ILDR2: variants seen among roughly 807,000 people sequenced by gnomAD.
ILDR2 encodes the protein immunoglobulin-like domain-containing receptor 2.
In ILDR2, 25 loss-of-function variants were observed where a neutral mutation model predicts 66.8. The ratio of observed to expected loss-of-function variants is 0.37; its 90% confidence interval spans 0.27 to 0.52. ILDR2 has a LOEUF of 0.52. Ranked by LOEUF, ILDR2 falls within the 20% of genes least tolerant of loss-of-function variation. The pLI, the probability that ILDR2 is intolerant of heterozygous loss-of-function variation, is 0.88. For missense variants in ILDR2, 827 were observed against 876.8 expected (o/e 0.94, Z 0.72); for synonymous variants, 367 against 357.2 (o/e 1.03, Z -0.31).
rs746822111 is a variant in ILDR2, at chr1:166,914,970, G to A, written c.*4385C>T. 5 of 152,180 alleles carry A rather than the reference G, an allele frequency of 3.3e-5. No individual in the cohort carries two copies. Among genetic ancestry groups the A allele is most frequent in the African/African-American group, 7.2e-5 (3 of 41,438 alleles). The allele number at this position is 152,180 out of a possible 1,614,324, so 9.4% of individuals were successfully genotyped here. ...AGTGCTATTGGCCAGTCATCCTTAT[G>A]ATTTGTATGCTTTATAAAATGATTG... On this transcript the variant is annotated 3_prime_UTR_variant, in exon 10 of 10. Transcript: ENST00000271417.
At position 166,917,719 on chromosome 1, in the gene ILDR2, G is replaced by T. The variant is rs1291174069; in HGVS notation, c.*1636C>A. The T allele has an allele frequency of 1.3e-5, 2 of 152,206 alleles. No homozygotes were observed. Among genetic ancestry groups the T allele is most frequent in the African/African-American group, 4.8e-5 (2 of 41,458 alleles). The allele number at this position is 152,206 out of a possible 1,614,324, so 9.4% of individuals were successfully genotyped here. A position where few individuals can be genotyped will look rare whatever the true frequency, so the allele number is the denominator to read the frequency against. ...CATAAAGAATGCACCAACTTCTCAC[G>T]CCTCGAGTAGGAATCAGAAATTTGG... On this transcript the variant is annotated 3_prime_UTR_variant, in exon 10 of 10. Transcript: ENST00000271417.
At chr1:166,920,075 A>G (rs1349988024) in intron 9 of ILDR2, among the ~76,000 whole-genome samples, 1 of 152,202 alleles carries the variant, frequency 6.6e-6, no homozygotes, top group Non-Finnish European at 1.5e-5. Flanking sequence ...AAAATAATGA[A>G]GTCTATATAA....
intron 6 of ILDR2, among the ~76,000 whole-genome samples, chr1:166,934,292 T>G (rs955049288): frequency 6.6e-6 from 1 of 152,200 alleles, no homozygotes; most frequent in African/African-American, 2.4e-5. Context: ...TCCTTACCAC[T>G]TATTTCAATT....
At chr1:166,963,111 G>T (rs1571202638) in intron 1 of ILDR2, among the ~76,000 whole-genome samples, 1 of 152,074 alleles carries the variant, frequency 6.6e-6, no homozygotes, top group African/African-American at 2.4e-5. Context: ...GCCCTAGATA[G>T]AAATCTTAGT....
At chr1:166,953,616 G>T (rs1003235730) in intron 3 of ILDR2, among the ~76,000 whole-genome samples, 3 of 152,104 alleles carry the variant, frequency 2.0e-5, no homozygotes, top group Non-Finnish European at 4.4e-5. Flanking sequence ...TACTGCAAAA[G>T]ACCACAGTTT....
Position 166,911,856 on chromosome 1 carries a change from G to C in ILDR2, c.*7499C>G, listed in dbSNP as rs1004451835. The stretch of plus-strand genomic sequence containing the variant: ...CTGAATAGGGAATAGAAAACACAGA[G>C]AGAGGAAATACAAAATATAGATTAA... On this transcript the variant is annotated 3_prime_UTR_variant, in exon 10 of 10. Coordinates refer to ENST00000271417, the MANE Select transcript of ILDR2 (RefSeq NM_199351.3). The C allele has an allele frequency of 3.3e-5, 5 of 151,914 alleles. No homozygotes were observed. Among genetic ancestry groups the C allele is most frequent in the African/African-American group, 1.2e-4 (5 of 41,382 alleles). 9.4% of individuals were successfully genotyped at this position (151,914 alleles called of 1,614,324 possible).
intron 3 of ILDR2, among the ~76,000 whole-genome samples, chr1:166,944,201 T>G (rs1228810629): frequency 1.3e-5 from 2 of 152,258 alleles, no homozygotes; most frequent in African/African-American, 4.8e-5. Context: ...TCAGTTGTTT[T>G]CTGCCACTGC....
At chr1:166,956,309 CA>C in intron 3 of ILDR2, among the ~76,000 whole-genome samples, 1 of 152,178 alleles carries the variant, frequency 6.6e-6, no homozygotes, top group Middle Eastern at 3.4e-3. Context: ...GGAGATAATC[CA>C]GTGGGAAAAG....
intron 6 of ILDR2, chr1:166,933,535 G>A (rs933596061): frequency 9.2e-6 from 9 of 982,254 alleles, no homozygotes; most frequent in Admixed American, 1.2e-4. Flanking sequence ...AGTTACAATT[G>A]GTTAGTATGG....
rs1172170824 is a variant in ILDR2 at position 166,914,267 on chromosome 1, T to C, written c.*5088A>G. 1.3e-5 allele frequency: 2 copies of C among 152,184 alleles called. No individual in the cohort carries two copies. Among genetic ancestry groups the C allele is most frequent in the African/African-American group, 2.4e-5 (1 of 41,432 alleles). 9.4% of individuals were successfully genotyped at this position (152,184 alleles called of 1,614,324 possible). A position where few individuals can be genotyped will look rare whatever the true frequency, so the allele number is the denominator to read the frequency against. The stretch of plus-strand genomic sequence containing the variant: ...TCATGGCTTCGCCACATCCATGACA[T>C]ATGAACAAGCATCAAGTCTACGGCT... On this transcript the variant is annotated 3_prime_UTR_variant, in exon 10 of 10. Transcript: ENST00000271417.
Position 166,921,511 on chromosome 1 carries a change from G to C in ILDR2, c.1212-132C>G. On this transcript the variant is annotated intron_variant, in intron 8 of 9. Coordinates refer to ENST00000271417, the MANE Select transcript of ILDR2 (RefSeq NM_199351.3). The surrounding 1 kb of genome is among the most constrained non-coding windows in gnomAD (Gnocchi z 5.3). Reference sequence around the variant, plus strand: ...GGCCTGAGCCTCAGCTCCGCTCCAGGCTGGATGAAGCATTCCAGGCTCCTC... The same window carrying C: ...GGCCTGAGCCTCAGCTCCGCTCCAGCCTGGATGAAGCATTCCAGGCTCCTC... 7.1e-6 allele frequency: 5 copies of C among 706,722 alleles called. No individual in the cohort carries two copies. The highest frequency in any genetic ancestry group is 1.1e-5 in the Non-Finnish European group (5 of 440,782). The allele number at this position is 706,722 out of a possible 1,614,324, so 43.8% of individuals were successfully genotyped here.
chr1:166,920,895 A>T lies in ILDR2; in HGVS notation c.1696T>A (p.Tyr566Asn). 1 of 1,484,326 alleles carries T rather than the reference A, an allele frequency of 6.7e-7. No individual in the cohort carries two copies. The highest frequency in any genetic ancestry group is 8.9e-7 in the Non-Finnish European group (1 of 1,122,648). The allele number at this position is 1,484,326 out of a possible 1,614,324, so 91.9% of individuals were successfully genotyped here. ...AQLGPRSASYYAWSPPGTYKA... is the reference protein window; with the variant it reads ...AQLGPRSASYNAWSPPGTYKA... ...TAGGTGCCGGGCGGCGACCAAGCGT[A>T]GTAGGAGGCGCTGCGCGGGCCGAGC... The change falls in exon 9 of 10, where the codon TAC becomes AAC. Residue 566 changes from tyrosine to asparagine, a missense_variant. Physicochemically the swap from Tyr to Asn is moderately radical, Grantham distance 143 (BLOSUM62 -2). Transcript: ENST00000271417.
At position 166,936,559 on chromosome 1, in the gene ILDR2, C is replaced by T. The variant is rs371621940; in HGVS notation, c.703+32G>A. On this transcript the variant is annotated intron_variant, in intron 5 of 9. Transcript: ENST00000271417. The surrounding 1 kb of genome is among the most constrained non-coding windows in gnomAD (Gnocchi z 5.0). ...TAGAGAGGTAGACATTTCTCTCGAT[C>T]GCTCTGTCTCCCCAGCGGTCACTGT... 1.7e-5 allele frequency: 28 copies of T among 1,613,724 alleles called. No homozygotes were observed. Among genetic ancestry groups the T allele is most frequent in the African/African-American group, 2.7e-5 (2 of 74,890 alleles).
rs748223206 is a variant in ILDR2 at position 166,936,610 on chromosome 1, G to A, written c.684C>T (p.Ser228=). 1 of 1,614,154 alleles carries A rather than the reference G, an allele frequency of 6.2e-7. No homozygotes were observed. The highest frequency in any genetic ancestry group is 1.7e-5 in the Admixed American group (1 of 60,024). The change falls in exon 5 of 10, where the codon TCC becomes TCT. Residue 228 remains serine (S), a synonymous_variant. Transcript: ENST00000271417. This position sits in a 1 kb window ranked among gnomAD's most constrained non-coding sequence, Gnocchi z 5.0. ...ACTCACAGGCTTGAGGGCAGCAGCA[G>A]GAATCTGGGCAGCATGGGCAGCGGA... is the stretch of plus-strand genomic sequence containing the variant. ...CYVRCPCCPD[S]CCCPQALYEA...
chr1:166,973,770 CG>C (rs1663450768), intron 1 of ILDR2, among the ~76,000 whole-genome samples: 3 of 151,962 alleles, frequency 2.0e-5, no homozygotes, highest in Admixed American at 2.0e-4. Flanking sequence ...GCCAGGGGAG[CG>C]GGGTGGCATG....
In ILDR2 at chr1:166,921,999, A is replaced by G. The variant is rs566354386; in HGVS notation, c.1211+594T>C. ...ACATCACCTGGGTAAGTGCCTTAGC[A>G]CCTAGAAGTTTCCATTTTCCCAGCT... On this transcript the variant is annotated intron_variant, in intron 8 of 9. Coordinates refer to ENST00000271417, the MANE Select transcript of ILDR2 (RefSeq NM_199351.3). The surrounding 1 kb of genome is among the most constrained non-coding windows in gnomAD (Gnocchi z 5.3). 4.6e-5 allele frequency among the ~76,000 whole-genome samples: 7 copies of G among 152,326 alleles called. No homozygotes were observed. Among genetic ancestry groups the G allele is most frequent in the African/African-American group, 1.7e-4 (7 of 41,558 alleles).
chr1:166,943,327 C>T (rs1436139006), intron 3 of ILDR2, among the ~76,000 whole-genome samples: 5 of 151,838 alleles, frequency 3.3e-5, no homozygotes, highest in African/African-American at 1.2e-4. Flanking sequence ...CCCGTCTCTA[C>T]TAAAAATACA....
At chr1:166,942,609 G>C (rs1661372909) in intron 3 of ILDR2, among the ~76,000 whole-genome samples, 1 of 152,226 alleles carries the variant, frequency 6.6e-6, no homozygotes, top group African/African-American at 2.4e-5. Context: ...TGCAACCTCT[G>C]AAGGGTATAC....
Position 166,921,026 on chromosome 1 carries a change from G to C in ILDR2, c.1565C>G (p.Pro522Arg). ...RLVSRTPGTA[P>R]KYDHSYLGSA... is the part of the protein sequence containing the mutation. ...GCCCAGGTACGAGTGGTCGTATTTGGGTGCGGTGCCTGGCGTGCGGCTCAC... is the reference window on the plus strand; with the variant it reads ...GCCCAGGTACGAGTGGTCGTATTTGCGTGCGGTGCCTGGCGTGCGGCTCAC... Residue 522 changes from proline to arginine, a missense_variant, in exon 9 of 10, where the codon CCC becomes CGC. This residue lies in a region of ILDR2 where 390 missense variants were observed against 353.6 expected (regional missense o/e 1.10). Coordinates refer to ENST00000271417, the MANE Select transcript of ILDR2 (RefSeq NM_199351.3). The surrounding 1 kb of genome is among the most constrained non-coding windows in gnomAD (Gnocchi z 5.3). 6.6e-7 allele frequency: 1 copy of C among 1,515,012 alleles called. No homozygotes were observed. Among genetic ancestry groups the C allele is most frequent in the Non-Finnish European group, 8.7e-7 (1 of 1,142,886 alleles). The allele number at this position is 1,515,012 out of a possible 1,614,324, so 93.8% of individuals were successfully genotyped here. A position where few individuals can be genotyped will look rare whatever the true frequency, so the allele number is the denominator to read the frequency against.
Sources: gnomAD v4.1 joint callset for allele counts (sites outside exome capture counted in the v4.1 genomes callset) on GRCh38, gnomAD v4.1.1 for gene constraint, gnomAD v4.1.1 regional missense constraint, Gnocchi (gnomAD v3.1) non-coding constraint, MANE v1.5 for transcripts, NCBI Gene and HGNC (gene_info 2026-07-23, HGNC 2026-07-21) for gene names.